Variants in ZNF565 observed in about 807,000 individuals in gnomAD.
ZNF565 encodes zinc finger protein 565.
A neutral mutation model predicts 39.4 loss-of-function variants in ZNF565; 27 were observed. The observed-to-expected ratio is 0.69, with a 90% confidence interval of 0.51 to 0.95. The LOEUF is 0.95. Among genes scored for constraint, ZNF565 ranks in the 40% least tolerant of loss-of-function variants. ZNF565 has a pLI of 0.00. For missense variants in ZNF565, 524 were observed against 621.1 expected (o/e 0.84, Z 1.66); for synonymous variants, 185 against 216.6 (o/e 0.85, Z 1.28).
intron 4 of ZNF565, among the ~76,000 whole-genome samples, chr19:36,185,345 C>G (rs537035771): frequency 9.1e-4 from 136 of 149,068 alleles, no homozygotes; most frequent in Admixed American, 2.8e-3. Flanking sequence ...ATCCGGGAGG[C>G]AGAGGTTGTG....
At chr19:36,215,674 A>C (rs1976571729), upstream of ZNF565, among the ~76,000 whole-genome samples, 1 of 151,954 alleles carries the variant, frequency 6.6e-6, no homozygotes, top group East Asian at 1.9e-4. Context: ...TTTTTTAATT[A>C]AACGAGAGTG....
intron 1 of ZNF565, among the ~76,000 whole-genome samples, chr19:36,228,174 A>AAGAAAG (rs61330060): frequency 4.9e-5 from 7 of 144,222 alleles, no homozygotes; most frequent in African/African-American, 1.6e-4. Flanking sequence ...AAAAAAAAAA[A>AAGAAAG]AAAGAAAGAA....
intron 1 of ZNF565, among the ~76,000 whole-genome samples, chr19:36,239,278 A>G (rs1977755288): frequency 6.6e-6 from 1 of 151,362 alleles, no homozygotes; most frequent in African/African-American, 2.4e-5. Flanking sequence ...CCTCTCCTGC[A>G]TATTTCCATG....
intron 1 of ZNF565, among the ~76,000 whole-genome samples, chr19:36,233,374 C>T (rs1347455453): frequency 1.3e-5 from 2 of 152,088 alleles, no homozygotes; most frequent in Admixed American, 1.3e-4. Flanking sequence ...GGTTTCCCCT[C>T]CACAGCTGTG....
rs867808510 is a variant in ZNF565 at position 36,187,107 on chromosome 19, T to C, written c.233-3374A>G. 1.2e-3 allele frequency among the ~76,000 whole-genome samples: 178 copies of C among 152,088 alleles called. 2 individuals are homozygous for C. The highest frequency in any genetic ancestry group is 4.2e-3 in the African/African-American group (174 of 41,500). ...CGGGAGGCTGAGGCAAGAGAATTGCTTGAACCCAGGGGGCGGAGGTTGCGG... is the reference window on the plus strand; with the variant it reads ...CGGGAGGCTGAGGCAAGAGAATTGCCTGAACCCAGGGGGCGGAGGTTGCGG... On this transcript the variant is annotated intron_variant, in intron 4 of 4. Transcript: ENST00000304116.
At chr19:36,211,454 C>CAG in intron 1 of ZNF565, among the ~76,000 whole-genome samples, 1 of 138,360 alleles carries the variant, frequency 7.2e-6, no homozygotes, top group Non-Finnish European at 1.5e-5. Flanking sequence ...CTCTCTCACA[C>CAG]ACACACACAC....
In ZNF565 at chr19:36,197,367, G is replaced by C. The variant is rs558684107; in HGVS notation, c.10-2211C>G. Among the ~76,000 whole-genome samples, 10 of 152,198 alleles carry C rather than the reference G, an allele frequency of 6.6e-5. No individual in the cohort carries two copies. In the South Asian group the frequency reaches 1.9e-3, roughly 28 times the overall value. On this transcript the variant is annotated intron_variant, in intron 2 of 4. Coordinates refer to ENST00000304116, the MANE Select transcript of ZNF565 (RefSeq NM_152477.5). ...CGTGCCTGTAGTCCCAGCTACTAGG[G>C]AGGCTGAGGCAGGAGAATCGCTTGA...
chr19:36,224,447 T>C (rs1322281877), intron 1 of ZNF565, among the ~76,000 whole-genome samples: 1 of 152,196 alleles, frequency 6.6e-6, no homozygotes, highest in Admixed American at 6.5e-5. Context: ...ATATACTAAA[T>C]TCTCACATTT....
intron 4 of ZNF565, among the ~76,000 whole-genome samples, chr19:36,191,315 T>C (rs1160474427): frequency 9.5e-6 from 1 of 105,656 alleles, no homozygotes; most frequent in South Asian, 2.6e-4. Context: ...TTTTTCTTTC[T>C]TTTTTTTTTT....
At chr19:36,237,001 C>T (rs200127556) in intron 1 of ZNF565, 25 of 1,614,092 alleles carry the variant, frequency 1.5e-5, no homozygotes, top group East Asian at 2.2e-5. Flanking sequence ...ATGAATGTAA[C>T]GAATGTGGAA....
chr19:36,203,898 G>A (rs1976057535), intron 1 of ZNF565, among the ~76,000 whole-genome samples: 1 of 151,538 alleles, frequency 6.6e-6, no homozygotes, highest in South Asian at 2.1e-4. Flanking sequence ...TATTAAATCT[G>A]ATCTAATTAG....
upstream of ZNF565, among the ~76,000 whole-genome samples, chr19:36,215,765 A>G (rs1387262897): frequency 6.6e-6 from 1 of 152,104 alleles, no homozygotes; most frequent in Admixed American, 6.5e-5. Context: ...TAGGGCTGTT[A>G]AGCAAAGCCC....
intron 1 of ZNF565, among the ~76,000 whole-genome samples, chr19:36,230,555 G>A (rs59295196): frequency 0.09 from 13,714 of 152,238 alleles, 822 homozygotes; most frequent in East Asian, 0.17. Context: ...AAGATCTGAA[G>A]AGTGCGAGAG....
At chr19:36,194,197 A>G in intron 4 of ZNF565, 36 bp downstream of exon 4, 2 of 1,566,778 alleles carry the variant, frequency 1.3e-6, no homozygotes, top group Non-Finnish European at 1.7e-6. Flanking sequence ...CGACTCATCC[A>G]GGGACCTTCC....
chr19:36,241,919 C>CAT (rs1977808426), intron 1 of ZNF565, among the ~76,000 whole-genome samples: 1 of 151,178 alleles, frequency 6.6e-6, no homozygotes, highest in African/African-American at 2.4e-5. Context: ...TGGAGGAAAA[C>CAT]ATAGGAACAT....
intron 1 of ZNF565, among the ~76,000 whole-genome samples, chr19:36,234,729 G>T (rs1290352921): frequency 1.3e-5 from 2 of 152,142 alleles, no homozygotes; most frequent in Non-Finnish European, 2.9e-5. Context: ...CTGCAGAATG[G>T]TGCTGCAGGT....
Position 36,182,753 on chromosome 19 carries a change from A to G in ZNF565, c.1213T>C (p.Tyr405His). ...TGAATTCTTTGATGTTGAATGAGGT[A>G]TGAGCTACGACTAAATGCCTTCCCG... ...DCGKAFSRSSYLIQHQRIHTG... is the reference protein window; with the variant it reads ...DCGKAFSRSSHLIQHQRIHTG... Residue 405 changes from tyrosine to histidine, a missense_variant, in exon 5 of 5, where the codon TAC (tyrosine) becomes CAC (histidine). By Grantham distance (83) the Tyr-to-His change is moderately conservative (BLOSUM62 2). Transcript: ENST00000304116. 1 of 1,613,722 alleles carries G rather than the reference A, an allele frequency of 6.2e-7. No homozygotes were observed. The highest frequency in any genetic ancestry group is 2.2e-5 in the East Asian group (1 of 44,842).
At chr19:36,223,342 C>CAAA (rs375158030) in intron 1 of ZNF565, among the ~76,000 whole-genome samples, 4 of 131,764 alleles carry the variant, frequency 3.0e-5, no homozygotes, top group Non-Finnish European at 3.3e-5. Flanking sequence ...GACTCCGTCT[C>CAAA]AAAAAAAAAA....
rs371257407 is a variant in ZNF565, at chr19:36,204,987, C to CA, written c.-65-2938dup. Among the ~76,000 whole-genome samples the CA allele has an allele frequency of 5.6e-3, 856 of 151,700 alleles. 7 individuals are homozygous for CA. Among genetic ancestry groups the CA allele is most frequent in the African/African-American group, 0.019 (802 of 41,394 alleles). ...TGGGCCACAGAGTGAGATTCTGTCT[C>CA]AAAAAAACAGAAAAGAAAATGAAGA... is the stretch of plus-strand genomic sequence containing the variant. On this transcript the variant is annotated intron_variant, in intron 1 of 4. Coordinates refer to ENST00000304116, the MANE Select transcript of ZNF565 (RefSeq NM_152477.5).
Sources: allele counts gnomAD v4.1 joint callset (sites outside exome capture counted in the v4.1 genomes callset), GRCh38; gene constraint gnomAD v4.1.1; transcripts MANE v1.5; gene names NCBI Gene and HGNC (gene_info 2026-07-23, HGNC 2026-07-21).